TPTE2: variants seen among roughly 807,000 people sequenced by gnomAD.
TPTE2 encodes the protein phosphatidylinositol 3,4,5-trisphosphate 3-phosphatase TPTE2.
TPTE2 carries 53 observed loss-of-function variants against 78.6 expected under a neutral mutation model. The ratio of observed to expected loss-of-function variants is 0.67; its 90% CI spans 0.54 to 0.85. TPTE2 has a LOEUF of 0.85. TPTE2 is among the 40% of genes least tolerant of loss of function. TPTE2 has a pLI of 0.00. For missense variants in TPTE2, 461 were observed against 623.0 expected, an observed-to-expected ratio of 0.74 and a Z score of 2.77; for synonymous variants, 175 against 206.2, an observed-to-expected ratio of 0.85 and a Z score of 1.30.
the TPTE2 span, among the ~76,000 whole-genome samples, chr13:19,555,115 G>C: frequency 2.0e-5 from 3 of 152,152 alleles, no homozygotes; most frequent in Non-Finnish European, 2.9e-5. Context: ...CAAGCACTAT[G>C]CCTGACGCTC....
intron 4 of TPTE2, among the ~76,000 whole-genome samples, chr13:19,476,161 A>G (rs187880453): frequency 3.7e-4 from 57 of 152,314 alleles, no homozygotes; most frequent in African/African-American, 8.4e-4. Context: ...TTCAGAGGTA[A>G]GACATTTTAG....
At chr13:19,437,544 G>A (rs2137495135) in intron 14 of TPTE2, among the ~76,000 whole-genome samples, 1 of 152,284 alleles carries the variant, frequency 6.6e-6, no homozygotes, top group East Asian at 1.9e-4. Flanking sequence ...AGAGTTGTGA[G>A]GATGGGCAAG....
chr13:19,440,779 G>GCAAA (rs754144387), intron 13 of TPTE2, among the ~76,000 whole-genome samples: 4 of 151,020 alleles, frequency 2.6e-5, no homozygotes, highest in Non-Finnish European at 4.4e-5. Flanking sequence ...AAACAAACAA[G>GCAAA]CAAACAAACA....
At chr13:19,504,755 TAA>T (rs1868881525), upstream of TPTE2, among the ~76,000 whole-genome samples, 1 of 152,102 alleles carries the variant, frequency 6.6e-6, no homozygotes, top group Admixed American at 6.6e-5. Context: ...ATAAATGGTG[TAA>T]AAGACATTCT....
At chr13:19,457,850 T>C (rs1229884160) in intron 10 of TPTE2, among the ~76,000 whole-genome samples, 1 of 152,210 alleles carries the variant, frequency 6.6e-6, no homozygotes, top group Non-Finnish European at 1.5e-5. Flanking sequence ...AAAGGAACCA[T>C]CTTAAATACA....
At chr13:19,475,118 C>T (rs1312739427) in intron 5 of TPTE2, among the ~76,000 whole-genome samples, 2 of 152,150 alleles carry the variant, frequency 1.3e-5, no homozygotes, top group African/African-American at 2.4e-5. Context: ...TACTTAGCAA[C>T]TGATGGACAG....
At chr13:19,431,127 C>CA (rs71092354) in intron 16 of TPTE2, among the ~76,000 whole-genome samples, 103 of 85,278 alleles carry the variant, frequency 1.2e-3, no homozygotes, top group Middle Eastern at 6.9e-3. Context: ...ACTCTGTCTC[C>CA]AAAAAAAAAA....
chr13:19,558,307 T>C, the TPTE2 span, among the ~76,000 whole-genome samples: 1 of 152,358 alleles, frequency 6.6e-6, no homozygotes, highest in South Asian at 2.1e-4. Context: ...ATCACTTCCC[T>C]TTAACTCTGT....
chr13:19,535,598 T>C lies in TPTE2; in HGVS notation c.-44+998A>G, dbSNP rs1871167375. On this transcript the variant is annotated intron_variant, in intron 1 of 17. Coordinates refer to the TPTE2 transcript ENST00000390680. The surrounding 1 kb of genome is among the most constrained non-coding windows in gnomAD (Gnocchi z 5.1). ...GTGACTGAGGTTCTAAGTAATACTATCTCCAGGATTTTCTTATTTATTTAT... is the reference window on the plus strand; with the variant it reads ...GTGACTGAGGTTCTAAGTAATACTACCTCCAGGATTTTCTTATTTATTTAT... Among the ~76,000 whole-genome samples the C allele has an allele frequency of 6.7e-6, 1 of 148,548 alleles. No homozygotes were observed. The highest frequency in any genetic ancestry group is 2.2e-4 in the South Asian group (1 of 4,640).
chr13:19,448,520 A>G (rs1233543165), intron 13 of TPTE2, among the ~76,000 whole-genome samples: 3 of 152,344 alleles, frequency 2.0e-5, no homozygotes, highest in African/African-American at 7.2e-5. Context: ...AAAGAACCTG[A>G]AAAGATATTT....
chr13:19,464,328 T>C lies in TPTE2; in HGVS notation c.741+128A>G. 3.1e-6 allele frequency: 3 copies of C among 977,628 alleles called. No homozygotes were observed. The South Asian group carries it at 5.1e-5, about 16-fold the overall frequency. The allele number at this position is 977,628 out of a possible 1,614,324, so 60.6% of individuals were successfully genotyped here. On this transcript the variant is annotated intron_variant, in intron 10 of 19. Transcript: ENST00000400230. ...CACAATTGTAACTGGTATCAATCCATTATGATTTTTTTACTTGAAAGAGTA... is the reference window on the plus strand; with the variant it reads ...CACAATTGTAACTGGTATCAATCCACTATGATTTTTTTACTTGAAAGAGTA...
chr13:19,500,911 C>A (rs1384715564), intron 1 of TPTE2, among the ~76,000 whole-genome samples: 3 of 144,618 alleles, frequency 2.1e-5, no homozygotes, highest in African/African-American at 7.8e-5. Flanking sequence ...CCCATTGTCT[C>A]AGCCCAAAAT....
At chr13:19,491,650 C>A (rs1298734809) in intron 3 of TPTE2, among the ~76,000 whole-genome samples, 1 of 151,888 alleles carries the variant, frequency 6.6e-6, no homozygotes, top group Non-Finnish European at 1.5e-5. Flanking sequence ...ATAGTGAAAC[C>A]CCGCCCCTAC....
At chr13:19,520,377 T>G (rs1870075957) in intron 1 of TPTE2, among the ~76,000 whole-genome samples, 1 of 152,054 alleles carries the variant, frequency 6.6e-6, no homozygotes, top group Admixed American at 6.6e-5. Flanking sequence ...CTTTCACCAC[T>G]AAGTTTAATG....
Position 19,516,944 on chromosome 13 carries a change from C to A in TPTE2, c.-43-13667G>T, listed in dbSNP as rs564297033. Among the ~76,000 whole-genome samples the A allele has an allele frequency of 1.8e-4, 27 of 152,250 alleles. No homozygotes were observed. In the South Asian group the frequency reaches 5.6e-3, roughly 32 times the overall value. On this transcript the variant is annotated intron_variant, in intron 1 of 17. Transcript: ENST00000390680. ...GTCACAGACAACAGCAAATTCCATA[C>A]CTTCGGAGTTATACCAGCTCATCTG...
At chr13:19,520,059 T>C (rs1277129667) in intron 1 of TPTE2, among the ~76,000 whole-genome samples, 1 of 152,114 alleles carries the variant, frequency 6.6e-6, no homozygotes, top group Non-Finnish European at 1.5e-5. Flanking sequence ...TGCTAATGTT[T>C]CTAAATATAA....
intron 13 of TPTE2, among the ~76,000 whole-genome samples, chr13:19,446,742 A>T (rs999206235): frequency 6.6e-6 from 1 of 152,152 alleles, no homozygotes; most frequent in African/African-American, 2.4e-5. Context: ...GGAGTTCAAG[A>T]CCAGTCTGGG....
intron 10 of TPTE2, among the ~76,000 whole-genome samples, chr13:19,454,894 T>G (rs1276478744): frequency 6.6e-6 from 1 of 152,168 alleles, no homozygotes; most frequent in Admixed American, 6.5e-5. Flanking sequence ...TAACTCACAG[T>G]CATTAACTTA....
chr13:19,432,481 GA>G lies in TPTE2; in HGVS notation c.1213del (p.Ser405ArgfsTer9), dbSNP rs1876726522. 6.3e-7 allele frequency: 1 copy of G among 1,591,492 alleles called. No homozygotes were observed. Among genetic ancestry groups the G allele is most frequent in the Non-Finnish European group, 8.5e-7 (1 of 1,171,456 alleles). ...ACACATAAAGCACTTACCACGAATC[GA>G]ATAAATAATGAATCTTTTTATAAAG... On this transcript the variant is annotated frameshift_variant, in exon 16 of 20. Transcript: ENST00000400230. LOFTEE classifies it high-confidence loss of function.
Sources: gnomAD v4.1 joint callset for allele counts (sites outside exome capture counted in the v4.1 genomes callset) on GRCh38, gnomAD v4.1.1 for gene constraint, Gnocchi (gnomAD v3.1) non-coding constraint, MANE v1.5 for transcripts, NCBI Gene and HGNC (gene_info 2026-07-23, HGNC 2026-07-21) for gene names.